The following MTRF1 variants were observed in gnomAD, a reference collection of about 807,000 sequenced individuals.
MTRF1 encodes peptide chain release factor 1, mitochondrial.
In MTRF1, 51 loss-of-function variants were observed where a neutral mutation model predicts 62.9. The ratio of observed to expected loss-of-function variants is 0.81; its 90% CI spans 0.65 to 1.02. The LOEUF (loss-of-function observed/expected upper bound fraction) is 1.02. MTRF1 is among the 50% of genes least tolerant of loss of function. The pLI, the probability that MTRF1 is intolerant of heterozygous loss-of-function variation, is 0.00. For missense variants in MTRF1, 446 were observed against 530.0 expected (o/e 0.84, Z 1.56); for synonymous variants, 158 against 181.9 (o/e 0.87, Z 1.06).
chr13:41,299,734 CTTT>C, the MTRF1 span, among the ~76,000 whole-genome samples: 1 of 144,906 alleles, frequency 6.9e-6, no homozygotes, highest in African/African-American at 2.5e-5. Context: ...GTTTTAAAGA[CTTT>C]TTTTTTTTTT....
Position 41,233,977 on chromosome 13 carries a change from G to T in MTRF1, c.901C>A (p.Arg301=), listed in dbSNP as rs756668523. ...CCTTTGGCTCGAAATGTATCTATTC[G>T]CAAATCCTTGGGGTCCAATTTCACA... is the stretch of plus-strand genomic sequence containing the variant. The part of the protein sequence containing the change: ...VDVKLDPKDL[R]IDTFRAKGAG... Residue 301 remains arginine (R), a synonymous_variant, in exon 7 of 10, where the codon CGA becomes AGA. Coordinates refer to ENST00000379480, the MANE Select transcript of MTRF1 (RefSeq NM_004294.4). The T allele has an allele frequency of 3.1e-6, 5 of 1,613,862 alleles. No individual in the cohort carries two copies. The Admixed American group carries it at 6.7e-5, about 22-fold the overall frequency.
At position 41,260,932 on chromosome 13, in the gene MTRF1, A is replaced by G. The variant is rs781543618; in HGVS notation, c.-8-17T>C. 2 of 1,485,968 alleles carry G rather than the reference A, an allele frequency of 1.3e-6. No individual in the cohort carries two copies. The highest frequency in any genetic ancestry group is 2.3e-5 in the East Asian group (1 of 42,860). 92.0% of individuals were successfully genotyped at this position (1,485,968 alleles called of 1,614,324 possible). On this transcript the variant is annotated splice_polypyrimidine_tract_variant and intron_variant, in intron 1 of 9. Coordinates refer to ENST00000379480, the MANE Select transcript of MTRF1 (RefSeq NM_004294.4). ...TCTCAGCATCTGAAATACAATAAAC[A>G]CAGTCTTTAAAAAAAAATCATCTCT...
At chr13:41,220,742 A>C in intron 9 of MTRF1, 2 of 467,188 alleles carry the variant, frequency 4.3e-6, no homozygotes, top group African/African-American at 2.0e-5. Flanking sequence ...TTCTCTTCTC[A>C]CTGAAGATGC....
chr13:41,227,292 AC>A (rs1365956534), intron 7 of MTRF1, among the ~76,000 whole-genome samples: 1 of 151,858 alleles, frequency 6.6e-6, no homozygotes, highest in African/African-American at 2.4e-5. Flanking sequence ...AAACACAACA[AC>A]AAAAACCAAA....
chr13:41,275,894 CT>C, the MTRF1 span, among the ~76,000 whole-genome samples: 85 of 151,760 alleles, frequency 5.6e-4, 2 homozygotes, highest in Admixed American at 4.3e-3. Flanking sequence ...GTTAATTGCA[CT>C]TTTTTTTTCC....
chr13:41,300,518 G>A, the MTRF1 span, among the ~76,000 whole-genome samples: 10 of 151,670 alleles, frequency 6.6e-5, no homozygotes, highest in Admixed American at 3.3e-4. Context: ...CCCAGGAGGC[G>A]GAGCTTGCAG....
At chr13:41,277,281 G>A in the MTRF1 span, among the ~76,000 whole-genome samples, 8 of 151,952 alleles carry the variant, frequency 5.3e-5, no homozygotes, top group Admixed American at 5.2e-4. Context: ...ACAGGTGCAT[G>A]CCACCACACC....
chr13:41,264,881 T>C (rs1263442756), upstream of MTRF1, among the ~76,000 whole-genome samples: 1 of 152,168 alleles, frequency 6.6e-6, no homozygotes, highest in Non-Finnish European at 1.5e-5. Context: ...CCTTCAATCA[T>C]GTATTCAATA....
At chr13:41,290,363 T>C in the MTRF1 span, among the ~76,000 whole-genome samples, 1 of 150,636 alleles carries the variant, frequency 6.6e-6, no homozygotes. Context: ...CCTCCCAAAG[T>C]GCTGGGATTA....
intron 2 of MTRF1, chr13:41,257,749 G>A (rs145763231): frequency 1.0e-4 from 45 of 447,300 alleles, no homozygotes; most frequent in Non-Finnish European, 1.7e-4. Flanking sequence ...AGTGAGCTAT[G>A]ATTACACTAC....
chr13:41,308,661 G>C, the MTRF1 span, among the ~76,000 whole-genome samples: 149 of 152,224 alleles, frequency 9.8e-4, no homozygotes, highest in Middle Eastern at 6.8e-3. Context: ...TAACAGCTTG[G>C]GCAGCTTGGG....
In MTRF1 at chr13:41,226,513, G is replaced by A. The variant is rs201549428; in HGVS notation, c.1044C>T (p.Ala348=). 1.5e-5 allele frequency: 25 copies of A among 1,613,870 alleles called. 1 individual carries two copies. The highest frequency in any genetic ancestry group is 1.9e-5 in the Non-Finnish European group (23 of 1,179,894). ...ERSQIKNKEI[A]FRVLRARLYQ... Reference sequence around the variant, plus strand: ...AGAGTCTAGCTCTCAACACACGAAAGGCTATTTCTTTATTTTTTATCTGTG... The same window carrying A: ...AGAGTCTAGCTCTCAACACACGAAAAGCTATTTCTTTATTTTTTATCTGTG... Residue 348 remains alanine (A), a synonymous_variant, in exon 8 of 10, where the codon GCC becomes GCT. Transcript: ENST00000379480.
At chr13:41,272,246 A>ATGTT in the MTRF1 span, among the ~76,000 whole-genome samples, 2 of 152,240 alleles carry the variant, frequency 1.3e-5, no homozygotes, top group Non-Finnish European at 2.9e-5. Context: ...TGAATTCTTT[A>ATGTT]CAGGGATTCA....
the MTRF1 span, among the ~76,000 whole-genome samples, chr13:41,307,187 GC>G: frequency 6.0e-5 from 9 of 151,134 alleles, no homozygotes; most frequent in South Asian, 8.4e-4. Context: ...TTGGATTTGT[GC>G]CCCCCCCACC....
intron 5 of MTRF1, among the ~76,000 whole-genome samples, chr13:41,241,848 C>A (rs1271611640): frequency 6.6e-6 from 1 of 152,202 alleles, no homozygotes; most frequent in African/African-American, 2.4e-5. Flanking sequence ...GGATCAGACA[C>A]CAGCTCGAGC....
the MTRF1 span, among the ~76,000 whole-genome samples, chr13:41,286,088 CAAAAAAA>C: frequency 3.6e-4 from 40 of 110,064 alleles, no homozygotes; most frequent in African/African-American, 1.4e-3. Context: ...ACAACAACAA[CAAAAAAA>C]AAAAAAAAAA....
At chr13:41,236,081 A>G (rs117982456) in intron 6 of MTRF1, 5,471 of 149,292 alleles carry the variant, frequency 0.037, 149 homozygotes, top group Non-Finnish European at 0.058. Flanking sequence ...ACACACAGTT[A>G]ACAAATATTT....
rs1029925665 is a variant in MTRF1 at position 41,254,518 on chromosome 13, T to C, written c.507+11A>G. ...AGCACTATTGAAACTAGTCGACCTCTGAAAACCTACCTCATTGTACAACAT... is the reference window on the plus strand; with the variant it reads ...AGCACTATTGAAACTAGTCGACCTCCGAAAACCTACCTCATTGTACAACAT... On this transcript the variant is annotated intron_variant, in intron 3 of 9. Coordinates refer to ENST00000379480, the MANE Select transcript of MTRF1 (RefSeq NM_004294.4). The C allele has an allele frequency of 1.2e-6, 2 of 1,608,892 alleles. No homozygotes were observed. The highest frequency in any genetic ancestry group is 3.3e-5 in the Admixed American group (2 of 59,902).
At chr13:41,273,120 A>G in the MTRF1 span, among the ~76,000 whole-genome samples, 2 of 151,830 alleles carry the variant, frequency 1.3e-5, no homozygotes, top group Non-Finnish European at 2.9e-5. Flanking sequence ...AGGTCAGGAG[A>G]TCGAGACCAT....
Sources: allele counts gnomAD v4.1 joint callset (sites outside exome capture counted in the v4.1 genomes callset), GRCh38; gene constraint gnomAD v4.1.1; transcripts MANE v1.5; gene names NCBI Gene and HGNC (gene_info 2026-07-23, HGNC 2026-07-21).